Variants in DENND5B observed in about 807,000 individuals in gnomAD.
DENND5B encodes the protein DENN domain-containing protein 5B.
A neutral mutation model predicts 140.6 loss-of-function variants in DENND5B; 34 were observed. The observed-to-expected ratio is 0.24, with a 90% CI of 0.18 to 0.32. The LOEUF is 0.32. Among genes scored for constraint, DENND5B ranks in the 10% least tolerant of loss-of-function variants. The pLI, the probability that DENND5B is intolerant of heterozygous loss-of-function variation, is 1.00. For missense variants in DENND5B, 1,142 were observed against 1,560.2 expected (o/e 0.73, Z 4.52); for synonymous variants, 551 against 562.1 (o/e 0.98, Z 0.28).
At chr12:31,501,720 C>T (rs1457963301) in intron 1 of DENND5B, among the ~76,000 whole-genome samples, 2 of 146,380 alleles carry the variant, frequency 1.4e-5, no homozygotes, top group Non-Finnish European at 3.0e-5. Flanking sequence ...CTGCAGTGAG[C>T]TGAGAACGCG....
chr12:31,458,552 C>A (rs889630197), intron 4 of DENND5B, among the ~76,000 whole-genome samples: 3 of 152,056 alleles, frequency 2.0e-5, no homozygotes, highest in Admixed American at 6.6e-5. Context: ...CCAAAAAGAA[C>A]AATAGTCTGT....
chr12:31,480,525 T>C (rs925566207), intron 2 of DENND5B, among the ~76,000 whole-genome samples: 1 of 152,210 alleles, frequency 6.6e-6, no homozygotes, highest in African/African-American at 2.4e-5. Context: ...GAATCACTGA[T>C]TTAGTCCCAG....
At chr12:31,533,653 C>T (rs1373023235) in intron 1 of DENND5B, among the ~76,000 whole-genome samples, 1 of 152,144 alleles carries the variant, frequency 6.6e-6, no homozygotes, top group Non-Finnish European at 1.5e-5. Context: ...AGTTGGATGG[C>T]AGATACACTA....
intron 2 of DENND5B, among the ~76,000 whole-genome samples, chr12:31,490,192 T>C (rs1419605555): frequency 6.6e-6 from 1 of 151,384 alleles, no homozygotes; most frequent in African/African-American, 2.4e-5. Flanking sequence ...TATGTTGCAT[T>C]TGAGATGCCA....
At chr12:31,512,002 T>TG (rs1947440329) in intron 1 of DENND5B, among the ~76,000 whole-genome samples, 2 of 131,422 alleles carry the variant, frequency 1.5e-5, no homozygotes, top group South Asian at 5.2e-4. Context: ...CTGCAACCTC[T>TG]GCCTCCTGGG....
At chr12:31,535,231 G>C in intron 1 of DENND5B, 1 of 223,590 alleles carries the variant, frequency 4.5e-6, no homozygotes, top group Non-Finnish European at 8.8e-6. Flanking sequence ...TGCCTCTTGT[G>C]CTATCAGCTC....
intron 4 of DENND5B, among the ~76,000 whole-genome samples, chr12:31,457,397 A>T (rs1944823641): frequency 6.6e-6 from 1 of 152,250 alleles, no homozygotes; most frequent in Non-Finnish European, 1.5e-5. Context: ...GCTAGCAACT[A>T]AAATCATACC....
chr12:31,470,079 C>T (rs1195922834), intron 3 of DENND5B, among the ~76,000 whole-genome samples: 1 of 148,466 alleles, frequency 6.7e-6, no homozygotes, highest in African/African-American at 2.5e-5. Context: ...TCCCAAGTAG[C>T]TGGGACTACA....
intron 2 of DENND5B, among the ~76,000 whole-genome samples, chr12:31,495,554 T>G (rs565459659): frequency 7.7e-4 from 117 of 152,068 alleles, no homozygotes; most frequent in Non-Finnish European, 1.5e-3. Context: ...AATTTTTGTA[T>G]TTTTAGTAGA....
intron 8 of DENND5B, among the ~76,000 whole-genome samples, chr12:31,430,065 C>T (rs1943439980): frequency 6.6e-6 from 1 of 151,910 alleles, no homozygotes; most frequent in South Asian, 2.1e-4. Context: ...GTCTGCTGCC[C>T]AGGCTGGAGT....
intron 2 of DENND5B, among the ~76,000 whole-genome samples, chr12:31,485,953 A>G (rs76805009): frequency 0.02 from 3,122 of 152,318 alleles, 57 homozygotes; most frequent in South Asian, 0.052. Context: ...TCAGACTTCA[A>G]ACCTTCCAAA....
chr12:31,432,850 G>A (rs1292539061), intron 8 of DENND5B: 1 of 256,592 alleles, frequency 3.9e-6, no homozygotes, highest in Non-Finnish European at 7.4e-6. Flanking sequence ...GGCTTCTCAT[G>A]CAGACAATTT....
intron 3 of DENND5B, among the ~76,000 whole-genome samples, chr12:31,466,112 T>C (rs1362672958): frequency 6.6e-6 from 1 of 152,186 alleles, no homozygotes; most frequent in Non-Finnish European, 1.5e-5. Flanking sequence ...GTAAGCACTT[T>C]GGGAGGCCAA....
intron 5 of DENND5B, among the ~76,000 whole-genome samples, chr12:31,450,293 C>T (rs921430897): frequency 3.3e-5 from 5 of 152,294 alleles, no homozygotes; most frequent in Middle Eastern, 3.4e-3. Flanking sequence ...ACAAAGAACA[C>T]CAGAACGTAA....
chr12:31,494,343 C>G (rs1053685911), intron 2 of DENND5B, among the ~76,000 whole-genome samples: 3 of 152,178 alleles, frequency 2.0e-5, no homozygotes, highest in Non-Finnish European at 1.5e-5. Context: ...TCCTGAGTAG[C>G]TGGGCTTATA....
intron 1 of DENND5B, among the ~76,000 whole-genome samples, chr12:31,570,703 A>G (rs1347247833): frequency 3.3e-5 from 5 of 151,952 alleles, no homozygotes; most frequent in Admixed American, 6.6e-5. Flanking sequence ...CATTTTCAGT[A>G]AATTGATAGG....
chr12:31,553,586 G>C (rs898914120), intron 1 of DENND5B, among the ~76,000 whole-genome samples: 4 of 152,154 alleles, frequency 2.6e-5, no homozygotes, highest in African/African-American at 9.7e-5. Context: ...GGTCCACTTG[G>C]TGCAGAGCTG....
chr12:31,424,083 G>C (rs914200054), intron 10 of DENND5B, among the ~76,000 whole-genome samples: 10 of 151,920 alleles, frequency 6.6e-5, no homozygotes, highest in Non-Finnish European at 1.5e-4. Flanking sequence ...GTGGCGATAA[G>C]AGAAAAAAAT....
intron 2 of DENND5B, among the ~76,000 whole-genome samples, chr12:31,490,497 A>G (rs1299008493): frequency 1.3e-5 from 2 of 152,030 alleles, no homozygotes; most frequent in African/African-American, 4.8e-5. Context: ...CTGTAGTCTC[A>G]GCTACTTGGG....
Sources: allele counts gnomAD v4.1 joint callset (sites outside exome capture counted in the v4.1 genomes callset), GRCh38; gene constraint gnomAD v4.1.1; transcripts MANE v1.5; gene names NCBI Gene and HGNC (gene_info 2026-07-23, HGNC 2026-07-21).